Variants in VPS41 observed in about 807,000 individuals in gnomAD.
VPS41 encodes the protein vacuolar protein sorting-associated protein 41 homolog.
A neutral mutation model predicts 130.9 loss-of-function variants in VPS41; 85 were observed. The ratio of observed to expected loss-of-function variants is 0.65; its 90% CI spans 0.55 to 0.78. The LOEUF is 0.78. Among genes scored for constraint, VPS41 ranks in the 30% least tolerant of loss-of-function variants. VPS41 has a pLI of 0.00. For synonymous variants in VPS41, 335 were observed against 332.9 expected (o/e 1.01, Z -0.07); for missense variants, 874 against 1,018.7 (o/e 0.86, Z 1.93).
At chr7:38,883,613 C>T (rs993580060) in intron 2 of VPS41, among the ~76,000 whole-genome samples, 1 of 151,928 alleles carries the variant, frequency 6.6e-6, no homozygotes, top group African/African-American at 2.4e-5. Flanking sequence ...CTTGTGTATC[C>T]TAGCATCTAG....
At chr7:38,842,676 A>G (rs1785633192) in intron 4 of VPS41, among the ~76,000 whole-genome samples, 1 of 152,168 alleles carries the variant, frequency 6.6e-6, no homozygotes, top group Admixed American at 6.5e-5. Context: ...TTAACTCTAT[A>G]TATTTGGCTT....
At chr7:38,755,996 C>T (rs1783782956) in intron 19 of VPS41, among the ~76,000 whole-genome samples, 1 of 152,128 alleles carries the variant, frequency 6.6e-6, no homozygotes, top group Non-Finnish European at 1.5e-5. Flanking sequence ...AAAGACGTAG[C>T]TCTAGCTCCT....
chr7:38,782,416 T>G (rs1368254820), intron 10 of VPS41, among the ~76,000 whole-genome samples: 1 of 152,222 alleles, frequency 6.6e-6, no homozygotes, highest in Non-Finnish European at 1.5e-5. Flanking sequence ...TGTTTTATTT[T>G]CCCATTAATT....
intron 7 of VPS41, among the ~76,000 whole-genome samples, chr7:38,803,721 T>C (rs1197243824): frequency 6.6e-6 from 1 of 151,864 alleles, no homozygotes; most frequent in Non-Finnish European, 1.5e-5. Flanking sequence ...TATGAGTGAG[T>C]GTGGAGAAGA....
chr7:38,893,106 G>A (rs59978834), intron 2 of VPS41, among the ~76,000 whole-genome samples: 5,359 of 152,070 alleles, frequency 0.035, 313 homozygotes, highest in African/African-American at 0.12. Flanking sequence ...GTGGCTCCCC[G>A]ATGGCCACAG....
At chr7:38,772,662 G>T (rs533909506) in intron 12 of VPS41, 25 bp from the exon 13 acceptor site, 1 of 1,518,190 alleles carries the variant, frequency 6.6e-7, no homozygotes, top group Non-Finnish European at 9.1e-7. Context: ...AGAGAGGAAC[G>T]ACTTGGTGAC....
At chr7:38,761,124 T>C (rs1783902130) in intron 17 of VPS41, among the ~76,000 whole-genome samples, 1 of 152,028 alleles carries the variant, frequency 6.6e-6, no homozygotes, top group Admixed American at 6.6e-5. Context: ...ATATTTCAGA[T>C]CAAGTTTCTT....
intron 9 of VPS41, among the ~76,000 whole-genome samples, chr7:38,790,588 T>A (rs1434840526): frequency 2.6e-5 from 4 of 152,224 alleles, no homozygotes; most frequent in African/African-American, 9.6e-5. Flanking sequence ...AATGCAGTGA[T>A]GTGTAGGCAT....
Position 38,879,724 on chromosome 7 carries a change from T to C in VPS41, c.61-10471A>G, listed in dbSNP as rs974146953. 5.3e-5 allele frequency among the ~76,000 whole-genome samples: 8 copies of C among 152,162 alleles called. No homozygotes were observed. In the East Asian group the frequency reaches 1.5e-3, roughly 29 times the overall value. On this transcript the variant is annotated intron_variant, in intron 2 of 28. Transcript: ENST00000310301. Reference sequence around the variant, plus strand: ...CAGATCACAGTAGGGTTCATGCTTGTATGAGAATCTAATGCTGTGGCTGAT... The same window carrying C: ...CAGATCACAGTAGGGTTCATGCTTGCATGAGAATCTAATGCTGTGGCTGAT...
intron 15 of VPS41, 54 bp downstream of exon 15, chr7:38,767,483 G>T: frequency 8.0e-7 from 1 of 1,254,834 alleles, no homozygotes; most frequent in Non-Finnish European, 1.1e-6. Flanking sequence ...TTTACTGTTA[G>T]CAATGCTCAA....
chr7:38,745,270 G>GA (rs1311327456), intron 23 of VPS41, among the ~76,000 whole-genome samples: 38 of 152,256 alleles, frequency 2.5e-4, no homozygotes, highest in African/African-American at 8.4e-4. Context: ...TTTAGAAAAT[G>GA]AAAAAACTTG....
At chr7:38,833,941 T>C (rs1785440146) in intron 4 of VPS41, among the ~76,000 whole-genome samples, 1 of 151,930 alleles carries the variant, frequency 6.6e-6, no homozygotes, top group African/African-American at 2.4e-5. Context: ...AAAGAAACAA[T>C]TAACAAAGCC....
intron 2 of VPS41, among the ~76,000 whole-genome samples, chr7:38,877,181 G>A (rs766509644): frequency 6.6e-5 from 10 of 152,198 alleles, no homozygotes; most frequent in South Asian, 2.1e-4. Flanking sequence ...GAAAACAAAC[G>A]TATGTAGTAA....
chr7:38,907,284 T>C (rs1322087323), intron 1 of VPS41, among the ~76,000 whole-genome samples: 1 of 151,996 alleles, frequency 6.6e-6, no homozygotes. Flanking sequence ...GGCCCTGAGA[T>C]AGGAACCTGC....
intron 4 of VPS41, among the ~76,000 whole-genome samples, chr7:38,838,118 G>A (rs1368332620): frequency 6.6e-6 from 1 of 151,992 alleles, no homozygotes; most frequent in Non-Finnish European, 1.5e-5. Flanking sequence ...AACTGTCAAT[G>A]TTGCATGCAA....
intron 4 of VPS41, among the ~76,000 whole-genome samples, chr7:38,842,850 T>C (rs1365572110): frequency 6.6e-6 from 1 of 152,200 alleles, no homozygotes; most frequent in African/African-American, 2.4e-5. Flanking sequence ...TATCCAAGCA[T>C]TCCTGTTTCA....
Position 38,803,442 on chromosome 7 carries a change from C to T in VPS41, c.451-6578G>A, listed in dbSNP as rs554453093. On this transcript the variant is annotated intron_variant, in intron 7 of 28. Coordinates refer to ENST00000310301, the MANE Select transcript of VPS41 (RefSeq NM_014396.4). ...CAGCCGAGGGTCAAGGCTTAGATAC[C>T]ATGTGTGTTCCCACGGGGAGAACCA... 3.3e-5 allele frequency among the ~76,000 whole-genome samples: 5 copies of T among 152,272 alleles called. No homozygotes were observed. In the South Asian group the frequency reaches 1.0e-3, roughly 32 times the overall value.
At chr7:38,829,008 G>T (rs916564305) in intron 5 of VPS41, among the ~76,000 whole-genome samples, 2 of 152,080 alleles carry the variant, frequency 1.3e-5, no homozygotes, top group African/African-American at 4.8e-5. Flanking sequence ...AGCCCAAAAG[G>T]AATTTCTCAC....
intron 7 of VPS41, among the ~76,000 whole-genome samples, chr7:38,802,815 T>C (rs139724384): frequency 6.6e-6 from 1 of 152,322 alleles, no homozygotes; most frequent in African/African-American, 2.4e-5. Flanking sequence ...GGGTAAGCCA[T>C]TGAAAAAAAC....
Sources: allele counts gnomAD v4.1 joint callset (sites outside exome capture counted in the v4.1 genomes callset), GRCh38; gene constraint gnomAD v4.1.1; transcripts MANE v1.5; gene names NCBI Gene and HGNC (gene_info 2026-07-23, HGNC 2026-07-21).